PALM: variants seen among roughly 807,000 people sequenced by gnomAD.
The protein encoded by PALM is paralemmin-1.
Under a neutral mutation model 30.7 loss-of-function variants are expected in PALM, and 18 were observed. That is an observed-to-expected ratio of 0.59 (90% CI 0.41 to 0.87). The LOEUF (loss-of-function observed/expected upper bound fraction) is 0.87, where lower values mean the gene tolerates loss of function less well. Among genes scored for constraint, PALM ranks in the 40% least tolerant of loss-of-function variants. The pLI, the probability that PALM is intolerant of heterozygous loss-of-function variation, is 0.00. For synonymous variants in PALM, 286 were observed against 242.8 expected, an observed-to-expected ratio of 1.18 and a Z score of -1.66; for missense variants, 529 against 555.4, an observed-to-expected ratio of 0.95 and a Z score of 0.48.
At chr19:727,716 C>T in intron 4 of PALM, 22 bp downstream of exon 4, 7 of 1,531,226 alleles carry the variant, frequency 4.6e-6, no homozygotes, top group Non-Finnish European at 6.2e-6. Flanking sequence ...AGCGTGGGTG[C>T]CACCGGGCTG....
intron 2 of PALM, among the ~76,000 whole-genome samples, chr19:726,746 T>G (rs566085114): frequency 6.6e-6 from 1 of 152,122 alleles, no homozygotes; most frequent in Non-Finnish European, 1.5e-5. Context: ...CAAGTGATCC[T>G]CCCGCCTTGG....
intron 1 of PALM, among the ~76,000 whole-genome samples, chr19:720,284 A>T (rs1387923322): frequency 1.3e-5 from 2 of 150,734 alleles, no homozygotes; most frequent in African/African-American, 2.4e-5. Context: ...GGGCCCCTCC[A>T]TCCATCACCG....
At chr19:711,285 C>A (rs1341764328) in intron 1 of PALM, 2 of 569,094 alleles carry the variant, frequency 3.5e-6, no homozygotes, top group Non-Finnish European at 4.4e-6. Context: ...GTGGCCCCTG[C>A]GTGACACATG....
intron 1 of PALM, among the ~76,000 whole-genome samples, chr19:720,941 C>A (rs1041678463): frequency 3.8e-4 from 58 of 152,212 alleles, no homozygotes; most frequent in African/African-American, 1.3e-3. Context: ...CTGCTCCCTC[C>A]GGGGTGGCCC....
rs187664780 is a variant in PALM, at chr19:741,998, C to G, written c.634+1515C>G. 1.4e-3 allele frequency among the ~76,000 whole-genome samples: 216 copies of G among 152,288 alleles called. 1 individual carries two copies. The highest frequency in any genetic ancestry group is 4.9e-3 in the African/African-American group (203 of 41,568). On this transcript the variant is annotated intron_variant, in intron 8 of 8. Coordinates refer to ENST00000338448, the MANE Select transcript of PALM (RefSeq NM_002579.3). ...AAATGCTGAGACCACAGGCATGAGT[C>G]ACTGCACCCGGCCTCTTTTTCTTTT...
chr19:733,512 C>A (rs2032931826), intron 5 of PALM, among the ~76,000 whole-genome samples: 1 of 152,154 alleles, frequency 6.6e-6, no homozygotes, highest in South Asian at 2.1e-4. Context: ...CCATGCAGGG[C>A]AGAACGGGTT....
chr19:745,066 G>A (rs2033299528), intron 8 of PALM, among the ~76,000 whole-genome samples: 1 of 151,240 alleles, frequency 6.6e-6, no homozygotes, highest in Non-Finnish European at 1.5e-5. Context: ...TGTAATCCCA[G>A]CTACTCTAGA....
intron 7 of PALM, among the ~76,000 whole-genome samples, chr19:737,081 A>C (rs902980193): frequency 6.6e-6 from 1 of 152,212 alleles, no homozygotes; most frequent in Non-Finnish European, 1.5e-5. Context: ...AGGGAGGTGA[A>C]GAAGGACTCT....
chr19:719,197 CCA>C, intron 1 of PALM: 1 of 985,456 alleles, frequency 1.0e-6, no homozygotes, highest in Non-Finnish European at 1.2e-6. Flanking sequence ...CGCCCCCATC[CCA>C]CACACGCCCC....
intron 7 of PALM, 94 bp from the exon 8 acceptor site, chr19:740,258 G>A (rs2033147148): frequency 2.0e-5 from 26 of 1,307,080 alleles, no homozygotes; most frequent in Admixed American, 2.4e-5. Flanking sequence ...TTGGCTCTGC[G>A]CTGCTGGCTC....
chr19:721,085 C>T (rs1429708748), intron 1 of PALM, among the ~76,000 whole-genome samples: 2 of 152,124 alleles, frequency 1.3e-5, no homozygotes, highest in East Asian at 3.9e-4. Flanking sequence ...AAGAAGGTGC[C>T]GGGCAGGGGG....
At chr19:744,564 GATCA>G (rs1010501801) in intron 8 of PALM, among the ~76,000 whole-genome samples, 15 of 151,996 alleles carry the variant, frequency 9.9e-5, no homozygotes, top group Non-Finnish European at 1.5e-5. Context: ...TTCAATTTAA[GATCA>G]ATCAAATACA....
chr19:727,471 C>A, intron 3 of PALM, 93 bp from the exon 4 acceptor site: 2 of 1,076,074 alleles, frequency 1.9e-6, no homozygotes, highest in African/African-American at 1.6e-5. Context: ...CCTGCCTCAA[C>A]CCCGACCCTG....
At chr19:739,027 C>T (rs977974443) in intron 7 of PALM, among the ~76,000 whole-genome samples, 23 of 152,090 alleles carry the variant, frequency 1.5e-4, no homozygotes, top group African/African-American at 5.6e-4. Context: ...CAGGGAGGTG[C>T]CTGGTGATCC....
At chr19:727,520 C>T (rs1174942539) in intron 3 of PALM, 44 bp from the exon 4 acceptor site, 7 of 1,496,656 alleles carry the variant, frequency 4.7e-6, no homozygotes, top group South Asian at 3.6e-5. Flanking sequence ...TTAACCCTGG[C>T]CCTGGTCCTG....
Position 709,486 on chromosome 19 carries a change from C to T in PALM, c.5+335C>T, listed in dbSNP as rs1339085106. On this transcript the variant is annotated intron_variant, in intron 1 of 8. Coordinates refer to ENST00000338448, the MANE Select transcript of PALM (RefSeq NM_002579.3). This position sits in a 1 kb window ranked among gnomAD's most constrained non-coding sequence, Gnocchi z 4.3. ...CGCGTCTCCAGGGCGAGCCTCGGCT[C>T]TCGGCCACCTGTGGGTGGCCCCGGG... 6.6e-6 allele frequency among the ~76,000 whole-genome samples: 1 copy of T among 151,974 alleles called. No homozygotes were observed.
chr19:710,371 G>A (rs2032031775), intron 1 of PALM, among the ~76,000 whole-genome samples: 1 of 152,112 alleles, frequency 6.6e-6, no homozygotes, highest in Non-Finnish European at 1.5e-5. Context: ...AGCTCAGCCA[G>A]GGGCTCAGGG....
At chr19:741,806 G>T (rs1385090648) in intron 8 of PALM, among the ~76,000 whole-genome samples, 1 of 152,034 alleles carries the variant, frequency 6.6e-6, no homozygotes, top group East Asian at 1.9e-4. Context: ...GAGGAGGGAA[G>T]CTCCACACTG....
At chr19:713,826 C>G (rs552097963) in intron 1 of PALM, among the ~76,000 whole-genome samples, 7 of 152,206 alleles carry the variant, frequency 4.6e-5, no homozygotes, top group African/African-American at 1.7e-4. Context: ...AAGTGATCCG[C>G]CTGCCTCAGC....
Sources: gnomAD v4.1 joint callset for allele counts (sites outside exome capture counted in the v4.1 genomes callset) on GRCh38, gnomAD v4.1.1 for gene constraint, Gnocchi (gnomAD v3.1) non-coding constraint, MANE v1.5 for transcripts, NCBI Gene and HGNC (gene_info 2026-07-23, HGNC 2026-07-21) for gene names.